The following NFIA variants were observed in gnomAD, a reference collection of about 807,000 sequenced individuals.
The protein encoded by NFIA is nuclear factor I A.
In NFIA, 8 loss-of-function variants were observed where a neutral mutation model predicts 62.8. That is an observed-to-expected ratio of 0.13 (90% confidence interval 0.07 to 0.23). The LOEUF (loss-of-function observed/expected upper bound fraction) is 0.23, where lower values mean the gene tolerates loss of function less well. Ranked by LOEUF, NFIA falls within the 10% of genes least tolerant of loss-of-function variation. NFIA has a pLI of 1.00. For synonymous variants in NFIA, 235 were observed against 238.1 expected, an observed-to-expected ratio of 0.99 and a Z score of 0.12; for missense variants, 410 against 642.1, an observed-to-expected ratio of 0.64 and a Z score of 3.91.
chr1:61,353,900 A>C (rs1420987878), intron 5 of NFIA, among the ~76,000 whole-genome samples: 4 of 152,228 alleles, frequency 2.6e-5, no homozygotes, highest in African/African-American at 7.2e-5. Context: ...TTGGGTGTTC[A>C]TACATTTTGA....
intron 10 of NFIA, among the ~76,000 whole-genome samples, chr1:61,428,071 G>A (rs1017900256): frequency 1.3e-5 from 2 of 152,152 alleles, no homozygotes; most frequent in African/African-American, 4.8e-5. Flanking sequence ...AAGCACGAAT[G>A]TCCTCAAGTT....
intron 2 of NFIA, among the ~76,000 whole-genome samples, chr1:61,232,537 T>C (rs986182000): frequency 1.3e-5 from 2 of 152,208 alleles, no homozygotes; most frequent in African/African-American, 4.8e-5. Flanking sequence ...GTATTCTGCC[T>C]ATGCTACAAA....
intron 2 of NFIA, among the ~76,000 whole-genome samples, chr1:61,227,533 T>A (rs1339502706): frequency 6.6e-6 from 1 of 152,192 alleles, no homozygotes; most frequent in Non-Finnish European, 1.5e-5. Flanking sequence ...ATGCCTTGTT[T>A]CCCTTTTTGC....
At chr1:61,190,091 G>A (rs1379138620) in intron 2 of NFIA, among the ~76,000 whole-genome samples, 3 of 152,138 alleles carry the variant, frequency 2.0e-5, no homozygotes, top group Non-Finnish European at 4.4e-5. Flanking sequence ...TGGCACACAG[G>A]TAGCGTTGGA....
intron 3 of NFIA, among the ~76,000 whole-genome samples, chr1:61,278,378 T>C (rs1657939276): frequency 6.6e-6 from 1 of 152,212 alleles, no homozygotes; most frequent in Non-Finnish European, 1.5e-5. Flanking sequence ...TTACATACTT[T>C]CACAGATATC....
chr1:61,339,303 G>T (rs7524488), intron 4 of NFIA, among the ~76,000 whole-genome samples: 4,522 of 152,134 alleles, frequency 0.03, 243 homozygotes, highest in African/African-American at 0.1. Context: ...CAAAAGAGTG[G>T]GTGGCCCTTT....
chr1:61,092,889 G>A (rs74490580), intron 2 of NFIA, among the ~76,000 whole-genome samples: 3 of 151,912 alleles, frequency 2.0e-5, no homozygotes, highest in African/African-American at 7.3e-5. Flanking sequence ...TGTGTGCTTC[G>A]TGTGCATGTG....
rs1647740896 is a variant in NFIA, at chr1:61,144,074, A to G, written c.559+55394A>G. Among the ~76,000 whole-genome samples, 3 of 152,386 alleles carry G rather than the reference A, an allele frequency of 2.0e-5. No homozygotes were observed. The South Asian group carries it at 6.2e-4, about 32-fold the overall frequency. On this transcript the variant is annotated intron_variant, in intron 2 of 10. Coordinates refer to ENST00000403491, the MANE Select transcript of NFIA (RefSeq NM_001134673.4). ...TCTGAATACCTATTATGTGCCAAGT[A>G]GATTGTTCTAGATACAGTGAACAAA... is the stretch of plus-strand genomic sequence containing the variant.
upstream of NFIA, chr1:61,082,012 G>A (rs1646102210): frequency 3.2e-6 from 5 of 1,549,760 alleles, no homozygotes; most frequent in Non-Finnish European, 4.4e-6. Flanking sequence ...GGGGGTGCGG[G>A]GCAACCTGGC....
intron 2 of NFIA, among the ~76,000 whole-genome samples, chr1:61,276,783 C>A (rs1471031158): frequency 6.6e-6 from 1 of 151,842 alleles, no homozygotes; most frequent in East Asian, 1.9e-4. Context: ...TAATCAAATT[C>A]CTTTTTTAGT....
In NFIA at chr1:61,240,043, A is replaced by G. The variant is rs538779162; in HGVS notation, c.560-37477A>G. Among the ~76,000 whole-genome samples, 66 of 152,252 alleles carry G rather than the reference A, an allele frequency of 4.3e-4. 1 individual carries two copies. In the South Asian group the frequency reaches 0.012, roughly 29 times the overall value. On this transcript the variant is annotated intron_variant, in intron 2 of 10. Coordinates refer to ENST00000403491, the MANE Select transcript of NFIA (RefSeq NM_001134673.4). ...ACTGTCATTCAATAAAGAGACATCTAATAGTATAAAGACTTCAGATGGATC... is the reference window on the plus strand; with the variant it reads ...ACTGTCATTCAATAAAGAGACATCTGATAGTATAAAGACTTCAGATGGATC...
chr1:61,331,837 T>C (rs960387852), intron 3 of NFIA, among the ~76,000 whole-genome samples: 6 of 152,146 alleles, frequency 3.9e-5, no homozygotes, highest in Non-Finnish European at 8.8e-5. Flanking sequence ...CCAGCAAAAA[T>C]GAAGCAGAAA....
chr1:61,440,233 A>G (rs1251029678), intron 10 of NFIA, among the ~76,000 whole-genome samples: 1 of 152,214 alleles, frequency 6.6e-6, no homozygotes, highest in Admixed American at 6.5e-5. Context: ...AACCATTTCT[A>G]CCACTGGCAG....
intron 2 of NFIA, among the ~76,000 whole-genome samples, chr1:61,240,051 A>G (rs1219034249): frequency 2.0e-5 from 3 of 152,140 alleles, no homozygotes; most frequent in Non-Finnish European, 2.9e-5. Context: ...CTAATAGTAT[A>G]AAGACTTCAG....
intron 7 of NFIA, among the ~76,000 whole-genome samples, chr1:61,387,854 C>T (rs1279444303): frequency 6.6e-6 from 1 of 152,182 alleles, no homozygotes; most frequent in East Asian, 1.9e-4. Flanking sequence ...ATAGTTCATG[C>T]AGTACTTCCT....
chr1:61,187,688 G>A (rs1197221322), intron 2 of NFIA, among the ~76,000 whole-genome samples: 1 of 152,198 alleles, frequency 6.6e-6, no homozygotes, highest in Admixed American at 6.5e-5. Context: ...CCCACAACTT[G>A]CCTTTAAGTC....
intron 2 of NFIA, among the ~76,000 whole-genome samples, chr1:61,125,626 T>G (rs1646954546): frequency 1.3e-5 from 2 of 152,154 alleles, no homozygotes; most frequent in South Asian, 4.1e-4. Context: ...TATGGAAACA[T>G]TTAAGAGCTT....
intron 2 of NFIA, among the ~76,000 whole-genome samples, chr1:61,131,455 T>C (rs1039748418): frequency 6.6e-6 from 1 of 152,166 alleles, no homozygotes; most frequent in Non-Finnish European, 1.5e-5. Context: ...CATTTAACTG[T>C]GGACAGTAGG....
intron 2 of NFIA, among the ~76,000 whole-genome samples, chr1:61,154,531 G>A (rs1379449107): frequency 6.6e-6 from 1 of 152,144 alleles, no homozygotes; most frequent in East Asian, 1.9e-4. Flanking sequence ...GCTCACTGCA[G>A]CCCTCGCCTT....
Sources: allele counts gnomAD v4.1 joint callset (sites outside exome capture counted in the v4.1 genomes callset), GRCh38; gene constraint gnomAD v4.1.1; transcripts MANE v1.5; gene names NCBI Gene and HGNC (gene_info 2026-07-23, HGNC 2026-07-21).